PIK3CB: variants seen among roughly 807,000 people sequenced by gnomAD.
The protein encoded by PIK3CB is phosphatidylinositol-4,5-bisphosphate 3-kinase catalytic subunit beta.
A neutral mutation model predicts 136.8 loss-of-function variants in PIK3CB; 39 were observed. The observed-to-expected ratio is 0.29, with a 90% CI of 0.22 to 0.37. PIK3CB has a LOEUF of 0.37. PIK3CB is among the 10% of genes least tolerant of loss of function. The pLI is 1.00. For synonymous variants in PIK3CB, 428 were observed against 436.6 expected (o/e 0.98, Z 0.25); for missense variants, 868 against 1,275.4 (o/e 0.68, Z 4.87).
chr3:138,779,580 G>A (rs931228799), intron 2 of PIK3CB, among the ~76,000 whole-genome samples: 2 of 150,684 alleles, frequency 1.3e-5, no homozygotes, highest in East Asian at 2.0e-4. Flanking sequence ...TTTGGTAGAC[G>A]TGGGGTTTTG....
intron 11 of PIK3CB, 98 bp from the exon 12 acceptor site, chr3:138,704,591 G>A (rs2044324912): frequency 1.3e-6 from 1 of 777,576 alleles, no homozygotes; most frequent in Non-Finnish European, 2.2e-6. Flanking sequence ...ATAAGATCTG[G>A]CATTGCTATG....
intron 1 of PIK3CB, among the ~76,000 whole-genome samples, chr3:138,803,858 T>C (rs1423855431): frequency 6.6e-6 from 1 of 152,182 alleles, no homozygotes; most frequent in East Asian, 1.9e-4. Context: ...TCTAGGAAAG[T>C]TCCAGCCTCT....
chr3:138,693,943 A>ATATATATATATATATATATATAT (rs1469740104), intron 14 of PIK3CB, among the ~76,000 whole-genome samples: 1 of 37,008 alleles, frequency 2.7e-5, no homozygotes, highest in Non-Finnish European at 4.3e-5. Context: ...TAAAATATAT[A>ATATATATATATATATATATATAT]TATATATATA....
At chr3:138,781,236 A>C (rs1685128093) in intron 2 of PIK3CB, among the ~76,000 whole-genome samples, 1 of 151,910 alleles carries the variant, frequency 6.6e-6, no homozygotes, top group Admixed American at 6.6e-5. Flanking sequence ...AGGCCATAGT[A>C]AGCCAAGATC....
chr3:138,705,524 T>C (rs1469616772), intron 11 of PIK3CB, among the ~76,000 whole-genome samples: 1 of 152,156 alleles, frequency 6.6e-6, no homozygotes, highest in Non-Finnish European at 1.5e-5. Context: ...AAATTATTGT[T>C]CAGAAAAACA....
intron 5 of PIK3CB, among the ~76,000 whole-genome samples, chr3:138,739,113 G>A (rs1307732767): frequency 1.3e-5 from 2 of 152,090 alleles, no homozygotes; most frequent in Non-Finnish European, 2.9e-5. Context: ...TAGGTCATGA[G>A]GGCAGAGTCC....
rs2108376008 is a variant in PIK3CB, at chr3:138,653,627, G to C, written c.*1762C>G. The C allele has an allele frequency of 5.4e-6, 1 of 184,590 alleles. No homozygotes were observed. The highest frequency in any genetic ancestry group is 1.1e-5 in the Non-Finnish European group (1 of 87,000). The allele number at this position is 184,590 out of a possible 1,614,324, so 11.4% of individuals were successfully genotyped here. On this transcript the variant is annotated 3_prime_UTR_variant, in exon 24 of 24. Coordinates refer to ENST00000674063, the MANE Select transcript of PIK3CB (RefSeq NM_006219.3). Reference sequence around the variant, plus strand: ...TAGTTCTATTCCTGGAAGTCTCAGTGAGTCTACACCAGCCCTGGAAATGAG... The same window carrying C: ...TAGTTCTATTCCTGGAAGTCTCAGTCAGTCTACACCAGCCCTGGAAATGAG...
intron 19 of PIK3CB, among the ~76,000 whole-genome samples, chr3:138,680,685 CT>C (rs869102841): frequency 1.1e-3 from 159 of 143,408 alleles, no homozygotes; most frequent in Admixed American, 1.5e-3. Context: ...TCCAGTTGTT[CT>C]TTTTTTTTTT....
At chr3:138,793,196 TA>T (rs2046072300) in intron 2 of PIK3CB, among the ~76,000 whole-genome samples, 1 of 152,216 alleles carries the variant, frequency 6.6e-6, no homozygotes, top group Non-Finnish European at 1.5e-5. Flanking sequence ...TGTAATGTGA[TA>T]TGAAAAGAAT....
chr3:138,833,217 C>T (rs1218760888), intron 1 of PIK3CB, among the ~76,000 whole-genome samples: 2 of 151,716 alleles, frequency 1.3e-5, no homozygotes, highest in Admixed American at 6.6e-5. Flanking sequence ...CAAGCGCCCG[C>T]CACCACGCCC....
At chr3:138,735,331 A>G (rs1002286857) in intron 6 of PIK3CB, among the ~76,000 whole-genome samples, 3 of 152,190 alleles carry the variant, frequency 2.0e-5, no homozygotes, top group Non-Finnish European at 4.4e-5. Flanking sequence ...AATGAGTTAG[A>G]TGATTATTGT....
chr3:138,746,339 T>C (rs2108682890), intron 4 of PIK3CB, among the ~76,000 whole-genome samples: 1 of 152,010 alleles, frequency 6.6e-6, no homozygotes, highest in South Asian at 2.1e-4. Flanking sequence ...CCTGTTACCT[T>C]GATTTTTTTT....
chr3:138,801,833 A>C (rs2108842792), intron 1 of PIK3CB, among the ~76,000 whole-genome samples: 1 of 145,206 alleles, frequency 6.9e-6, no homozygotes, highest in South Asian at 2.3e-4. Context: ...ACTGCACTCC[A>C]GACTGGTGAC....
intron 5 of PIK3CB, among the ~76,000 whole-genome samples, chr3:138,739,988 G>A (rs1286439576): frequency 6.6e-6 from 1 of 151,804 alleles, no homozygotes; most frequent in Admixed American, 6.6e-5. Flanking sequence ...AGATAGTTAT[G>A]TATGCACCAG....
intron 20 of PIK3CB, 113 bp downstream of exon 20, chr3:138,664,923 T>C: frequency 3.4e-6 from 2 of 589,924 alleles, no homozygotes; most frequent in Non-Finnish European, 5.6e-6. Flanking sequence ...AATGAAGCAA[T>C]AGATAAAAAA....
chr3:138,781,103 A>C (rs1314162338), intron 2 of PIK3CB, among the ~76,000 whole-genome samples: 1 of 152,122 alleles, frequency 6.6e-6, no homozygotes, highest in Non-Finnish European at 1.5e-5. Flanking sequence ...CAACCTAAGC[A>C]ACACAGTGTG....
At chr3:138,743,432 T>C (rs952668530) in intron 4 of PIK3CB, among the ~76,000 whole-genome samples, 1 of 152,250 alleles carries the variant, frequency 6.6e-6, no homozygotes, top group East Asian at 1.9e-4. Context: ...GGTTATCATA[T>C]ATTGTTTTAG....
chr3:138,826,177 T>C lies in PIK3CB; in HGVS notation c.-122+8518A>G, dbSNP rs1933775347. ...ATGGTTCCTGACAAGCCGATGTATGTTGAGAGCTTCTAGGACTATCCTCCT... is the reference window on the plus strand; with the variant it reads ...ATGGTTCCTGACAAGCCGATGTATGCTGAGAGCTTCTAGGACTATCCTCCT... On this transcript the variant is annotated intron_variant, in intron 1 of 23. Transcript: ENST00000674063. 4.3e-6 allele frequency: 5 copies of C among 1,158,526 alleles called. No individual in the cohort carries two copies. In the South Asian group the frequency reaches 5.0e-5, roughly 12 times the overall value. The allele number at this position is 1,158,526 out of a possible 1,614,324, so 71.8% of individuals were successfully genotyped here.
chr3:138,834,361 C>T (rs1267887040), intron 1 of PIK3CB, among the ~76,000 whole-genome samples: 1 of 152,250 alleles, frequency 6.6e-6, no homozygotes, highest in African/African-American at 2.4e-5. Flanking sequence ...GGCGCGAGTA[C>T]GCCGTCTCTC....
Sources: gnomAD v4.1 joint callset for allele counts (sites outside exome capture counted in the v4.1 genomes callset) on GRCh38, gnomAD v4.1.1 for gene constraint, MANE v1.5 for transcripts, NCBI Gene and HGNC (gene_info 2026-07-23, HGNC 2026-07-21) for gene names.